The following CCDC33 variants were observed in gnomAD, a reference collection of about 807,000 sequenced individuals.
CCDC33 encodes the protein coiled-coil domain-containing protein 33.
Under a neutral mutation model 91.9 loss-of-function variants are expected in CCDC33, and 94 were observed. The ratio of observed to expected loss-of-function variants is 1.02; its 90% CI spans 0.87 to 1.21. CCDC33 has a LOEUF of 1.21. CCDC33 is among the 50% of genes most tolerant of loss of function. The probability of loss-of-function intolerance (pLI) is 0.00; values close to 1 mark genes in which losing one functional copy is unlikely to be tolerated. For missense variants in CCDC33, 940 were observed against 935.5 expected, an observed-to-expected ratio of 1.00 and a Z score of -0.06; for synonymous variants, 396 against 374.5, an observed-to-expected ratio of 1.06 and a Z score of -0.66.
At chr15:74,320,352 C>T (rs1201500566) in intron 11 of CCDC33, among the ~76,000 whole-genome samples, 1 of 152,142 alleles carries the variant, frequency 6.6e-6, no homozygotes, top group African/African-American at 2.4e-5. Flanking sequence ...TCAAATCTCA[C>T]CTGCACCTCA....
At chr15:74,317,900 T>G (rs1227872289) in intron 11 of CCDC33, among the ~76,000 whole-genome samples, 1 of 146,826 alleles carries the variant, frequency 6.8e-6, no homozygotes, top group Non-Finnish European at 1.5e-5. Flanking sequence ...TTTTTTTTTT[T>G]TTTTTTTTTT....
At chr15:74,205,859 C>T (rs2074249115) in intron 1 of CCDC33, among the ~76,000 whole-genome samples, 3 of 152,252 alleles carry the variant, frequency 2.0e-5, no homozygotes, top group Admixed American at 2.0e-4. Flanking sequence ...GAGCTTCGTC[C>T]TTTTCCCCTG....
At chr15:74,222,109 G>A (rs1490104252) in intron 2 of CCDC33, among the ~76,000 whole-genome samples, 1 of 152,156 alleles carries the variant, frequency 6.6e-6, no homozygotes, top group Admixed American at 6.5e-5. Flanking sequence ...TTGGAGGGCT[G>A]GAAAGGGCGG....
rs200365752 is a variant in CCDC33, at chr15:74,271,734, C to A, written c.578C>A (p.Ala193Asp). The A allele has an allele frequency of 3.7e-6, 6 of 1,613,742 alleles. No individual in the cohort carries two copies. The African/African-American group carries it at 5.3e-5, about 14-fold the overall frequency. Reference protein sequence around the residue: ...IFLRGVNEPLANNPNPIVVIA... With the variant: ...IFLRGVNEPLDNNPNPIVVIA... Reference sequence around the variant, plus strand: ...CTCCGGGGAGTCAACGAGCCCCTGGCCAACAACCCCAACCCCATAGTGGTG... The same window carrying A: ...CTCCGGGGAGTCAACGAGCCCCTGGACAACAACCCCAACCCCATAGTGGTG... Residue 193 changes from alanine to aspartate, a missense_variant, in exon 6 of 19, where the codon GCC (alanine) becomes GAC (aspartate). Physicochemically the swap from Ala to Asp is moderately radical, Grantham distance 126. Transcript: ENST00000398814.
chr15:74,307,736 C>G lies in CCDC33; in HGVS notation c.1290+11788C>G, dbSNP rs199747298. 5.2e-3 allele frequency among the ~76,000 whole-genome samples: 52 copies of G among 9,944 alleles called. No individual in the cohort carries two copies. In the Non-Finnish European group the frequency reaches 0.17, roughly 33 times the overall value. 6.5% of individuals were successfully genotyped at this position (9,944 alleles called of 152,430 possible). A position where few individuals can be genotyped will look rare whatever the true frequency, so the allele number is the denominator to read the frequency against. ...GCCTACATACCATATGTCCAAACCC[C>G]AGTAATCAAAATATAAATCAAGCAG... is the stretch of plus-strand genomic sequence containing the variant. On this transcript the variant is annotated intron_variant, in intron 11 of 18. Transcript: ENST00000398814.
chr15:74,269,798 C>T (rs1401144191), intron 5 of CCDC33, among the ~76,000 whole-genome samples: 1 of 152,210 alleles, frequency 6.6e-6, no homozygotes, highest in Non-Finnish European at 1.5e-5. Flanking sequence ...GGTATGGCCA[C>T]AGAGCAGCTG....
rs770827436 is a variant in CCDC33 at position 74,333,920 on chromosome 15, G to A, written c.1978G>A (p.Ala660Thr). ...SGTSDKFNLL[A>T]KLEHAQSRIL... ...TACTTCAGACAAGTTCAACCTCCTG[G>A]CCAAGCTGGAACACGCTCAGAGCCG... The change falls in exon 17 of 19, where the codon GCC becomes ACC. Residue 660 changes from alanine to threonine, a missense_variant. Ala to Thr is a moderately conservative substitution (Grantham distance 58, BLOSUM62 0). Coordinates refer to ENST00000398814, the MANE Select transcript of CCDC33 (RefSeq NM_025055.5). The A allele has an allele frequency of 1.2e-6, 2 of 1,613,626 alleles. No individual in the cohort carries two copies. The highest frequency in any genetic ancestry group is 2.2e-5 in the South Asian group (2 of 91,064).
intron 1 of CCDC33, among the ~76,000 whole-genome samples, chr15:74,239,881 T>C (rs559883598): frequency 2.0e-5 from 3 of 152,216 alleles, no homozygotes; most frequent in Non-Finnish European, 4.4e-5. Context: ...TAACCCAGTA[T>C]ATGCATTTTC....
intron 2 of CCDC33, among the ~76,000 whole-genome samples, chr15:74,262,071 A>C (rs1463790664): frequency 6.6e-6 from 1 of 152,152 alleles, no homozygotes; most frequent in Non-Finnish European, 1.5e-5. Flanking sequence ...ACCGAAACAG[A>C]ACCTAGAGAA....
At chr15:74,332,396 G>T (rs2060457955) in intron 15 of CCDC33, among the ~76,000 whole-genome samples, 2 of 152,226 alleles carry the variant, frequency 1.3e-5, no homozygotes, top group Non-Finnish European at 2.9e-5. Flanking sequence ...GGCCCAGGGA[G>T]TGAGAAGAAT....
At chr15:74,305,984 C>T (rs1334552870) in intron 11 of CCDC33, among the ~76,000 whole-genome samples, 1 of 152,146 alleles carries the variant, frequency 6.6e-6, no homozygotes, top group Non-Finnish European at 1.5e-5. Context: ...GATGGCAATG[C>T]ACTGGAAACT....
chr15:74,243,973 C>T lies in CCDC33; in HGVS notation c.22-12C>T, dbSNP rs1332057163. ...AAAAAAAAAAAACACTCAGCCCTGG[C>T]TCTCCCCACAGAACACTGAAGACCC... On this transcript the variant is annotated splice_polypyrimidine_tract_variant and intron_variant, in intron 1 of 18. Transcript: ENST00000398814. The T allele has an allele frequency of 8.2e-6, 13 of 1,588,190 alleles. No individual in the cohort carries two copies. Among genetic ancestry groups the T allele is most frequent in the Non-Finnish European group, 1.1e-5 (13 of 1,171,744 alleles).
chr15:74,310,765 A>G (rs1475824615), intron 11 of CCDC33, among the ~76,000 whole-genome samples: 1 of 152,090 alleles, frequency 6.6e-6, no homozygotes, highest in African/African-American at 2.4e-5. Context: ...GAAGGTTCCC[A>G]TGGGGGACTC....
At chr15:74,268,096 T>G (rs1350032184) in intron 4 of CCDC33, among the ~76,000 whole-genome samples, 5 of 152,168 alleles carry the variant, frequency 3.3e-5, no homozygotes, top group Non-Finnish European at 1.5e-5. Flanking sequence ...TGTTATCACA[T>G]CTTTACTGGA....
chr15:74,296,500 G>C (rs2059690021), intron 11 of CCDC33, among the ~76,000 whole-genome samples: 1 of 152,148 alleles, frequency 6.6e-6, no homozygotes, highest in Admixed American at 6.5e-5. Context: ...GTGGTGCATG[G>C]CTGTAATTCC....
chr15:74,218,038 A>T lies in CCDC33; in HGVS notation c.310+457A>T, dbSNP rs1447070069. ...GGAACTTCCAGAGCAGGTGGAGAGG[A>T]AGGAACTCCAAGCAGAGAAAAGTAA... On this transcript the variant is annotated intron_variant, in intron 1 of 2. Transcript: ENST00000635913. This position sits in a 1 kb window ranked among gnomAD's most constrained non-coding sequence, Gnocchi z 4.8. Among the ~76,000 whole-genome samples the T allele has an allele frequency of 6.6e-6, 1 of 151,626 alleles. No individual in the cohort carries two copies. Among genetic ancestry groups the T allele is most frequent in the Admixed American group, 6.6e-5 (1 of 15,220 alleles).
In CCDC33 at chr15:74,223,969, G is replaced by A. The variant is rs181729745; in HGVS notation, c.675+5108G>A. On this transcript the variant is annotated intron_variant, in intron 2 of 2. Transcript: ENST00000635913. ...TCCCCCTTCTCCTCCTTTGACAACT[G>A]CCTCCAGCTTAAACACACTCTGCCC... Among the ~76,000 whole-genome samples, 22 of 152,270 alleles carry A rather than the reference G, an allele frequency of 1.4e-4. No homozygotes were observed. In the East Asian group the frequency reaches 4.3e-3, roughly 29 times the overall value.
intron 1 of CCDC33, among the ~76,000 whole-genome samples, chr15:74,204,534 T>C (rs2074212831): frequency 6.6e-6 from 1 of 152,240 alleles, no homozygotes; most frequent in Admixed American, 6.5e-5. Context: ...AACTCCCATC[T>C]GATTTTAAAT....
intron 11 of CCDC33, among the ~76,000 whole-genome samples, chr15:74,320,727 C>T (rs1366588022): frequency 6.6e-6 from 1 of 152,206 alleles, no homozygotes; most frequent in Non-Finnish European, 1.5e-5. Flanking sequence ...CCCTCACCTC[C>T]CTAACCCTGC....
Sources: gnomAD v4.1 joint callset for allele counts (sites outside exome capture counted in the v4.1 genomes callset) on GRCh38, gnomAD v4.1.1 for gene constraint, Gnocchi (gnomAD v3.1) non-coding constraint, MANE v1.5 for transcripts, NCBI Gene and HGNC (gene_info 2026-07-23, HGNC 2026-07-21) for gene names.